Variants in ENGASE observed in about 807,000 individuals in gnomAD.
The protein encoded by ENGASE is cytosolic endo-beta-N-acetylglucosaminidase.
A neutral mutation model predicts 78.5 loss-of-function variants in ENGASE; 69 were observed. The observed-to-expected ratio is 0.88, with a 90% confidence interval of 0.72 to 1.07. The LOEUF (loss-of-function observed/expected upper bound fraction) is 1.07. ENGASE is among the 50% of genes least tolerant of loss of function. ENGASE has a pLI of 0.00. For missense variants in ENGASE, 943 were observed against 988.4 expected (o/e 0.95, Z 0.62); for synonymous variants, 408 against 408.9 (o/e 1.00, Z 0.03).
intron 3 of ENGASE, among the ~76,000 whole-genome samples, chr17:79,078,112 G>C (rs2073013724): frequency 6.6e-6 from 1 of 152,146 alleles, no homozygotes; most frequent in Non-Finnish European, 1.5e-5. Context: ...GGTCAAGGCA[G>C]GTGGGTCACC....
At chr17:79,082,412 A>G (rs907027779) in intron 7 of ENGASE, 60 of 1,230,556 alleles carry the variant, frequency 4.9e-5, no homozygotes, top group African/African-American at 3.9e-4. Flanking sequence ...GGGGACGCAC[A>G]GGGGCCTGCA....
chr17:79,082,840 C>T (rs1240427919), intron 7 of ENGASE, 180 bp from the exon 8 acceptor site: 2 of 1,539,016 alleles, frequency 1.3e-6, no homozygotes, highest in African/African-American at 1.4e-5. Flanking sequence ...TTCTGGCGGG[C>T]TTGTGGAACG....
At chr17:79,077,935 G>A in intron 3 of ENGASE, 71 bp downstream of exon 3, 1 of 1,363,234 alleles carries the variant, frequency 7.3e-7, no homozygotes, top group Non-Finnish European at 1.0e-6. Context: ...TGGAGGGGCG[G>A]GAGAGAGTGC....
chr17:79,079,377 A>G (rs1219306769), intron 3 of ENGASE, 112 bp from the exon 4 acceptor site: 3 of 1,246,118 alleles, frequency 2.4e-6, no homozygotes, highest in Non-Finnish European at 3.3e-6. Flanking sequence ...CATGTTGCCC[A>G]GGCTGGTCTT....
chr17:79,085,622 G>A lies in ENGASE; in HGVS notation c.1703G>A (p.Cys568Tyr). The change falls in exon 13 of 14, where the codon TGC becomes TAC. Residue 568 changes from cysteine (C) to tyrosine (Y), a missense_variant and splice_region_variant. Coordinates refer to ENST00000579016, the MANE Select transcript of ENGASE (RefSeq NM_001042573.3). ...TGATCAGCCCTTTCGCCCCGTAGCTGCTACGAGGTGAGCCTGCGTGGGTGC... is the reference window on the plus strand; with the variant it reads ...TGATCAGCCCTTTCGCCCCGTAGCTACTACGAGGTGAGCCTGCGTGGGTGC... ...RQLSGGWVQH[C>Y]YEVSLRGCLL... The A allele has an allele frequency of 6.2e-7, 1 of 1,613,676 alleles. No homozygotes were observed. The highest frequency in any genetic ancestry group is 8.5e-7 in the Non-Finnish European group (1 of 1,179,994).
At chr17:79,084,814 C>G in intron 11 of ENGASE, 128 bp downstream of exon 11, 1 of 1,055,300 alleles carries the variant, frequency 9.5e-7, no homozygotes, top group Non-Finnish European at 1.4e-6. Flanking sequence ...CTGCCTTTGC[C>G]GGAGTCAGGG....
intron 6 of ENGASE, 101 bp from the exon 7 acceptor site, chr17:79,081,797 C>CTCTGAGTACTAGGAGGGGAAAG: frequency 4.2e-6 from 6 of 1,436,448 alleles, no homozygotes; most frequent in Non-Finnish European, 5.6e-6. Flanking sequence ...GGGCCCATCC[C>CTCTGAGTACTAGGAGGGGAAAG]TCTGAGTACT....
At position 79,074,883 on chromosome 17, in the gene ENGASE, C is replaced by G; in HGVS notation, c.-62C>G. On this transcript the variant is annotated 5_prime_UTR_variant, in exon 1 of 14. Transcript: ENST00000579016. Reference sequence around the variant, plus strand: ...TCAGCGCTGCGCACTTCCCATTGGCCGAGCGCGGCGCGGGGGCGGGCCCGG... The same window carrying G: ...TCAGCGCTGCGCACTTCCCATTGGCGGAGCGCGGCGCGGGGGCGGGCCCGG... The G allele has an allele frequency of 8.1e-7, 1 of 1,234,644 alleles. No homozygotes were observed. Among genetic ancestry groups the G allele is most frequent in the Non-Finnish European group, 1.0e-6 (1 of 987,374 alleles). The allele number at this position is 1,234,644 out of a possible 1,614,324, so 76.5% of individuals were successfully genotyped here.
At position 79,086,364 on chromosome 17, in the gene ENGASE, C is replaced by T. The variant is rs751774730; in HGVS notation, c.*15C>T. The stretch of plus-strand genomic sequence containing the variant: ...CCCCTGCATGAGCGGATGCTAAGGC[C>T]GGGTGGTCTCCTGGCCTCGGGCTGA... On this transcript the variant is annotated 3_prime_UTR_variant, in exon 14 of 14. Coordinates refer to ENST00000579016, the MANE Select transcript of ENGASE (RefSeq NM_001042573.3). 2.3e-5 allele frequency: 36 copies of T among 1,599,150 alleles called. No homozygotes were observed. The highest frequency in any genetic ancestry group is 6.7e-5 in the South Asian group (6 of 89,816).
chr17:79,077,759 T>G lies in ENGASE; in HGVS notation c.311T>G (p.Phe104Cys), dbSNP rs760871432. Residue 104 changes from phenylalanine (F) to cysteine (C), a missense_variant, in exon 3 of 14, where the codon TTT (phenylalanine) becomes TGT (cysteine). By Grantham distance (205) the Phe-to-Cys change is radical. Transcript: ENST00000579016. ...LAWKPRLEDG[F>C]NVALEPLACR... ...TGGAAGCCCCGCTTGGAGGATGGCT[T>G]TAATGTGGCCCTGGAGCCCCTGGCG... The G allele has an allele frequency of 2.5e-6, 4 of 1,614,026 alleles. No homozygotes were observed. The African/African-American group carries it at 5.3e-5, about 22-fold the overall frequency.
At chr17:79,081,786 T>TGGGCC (rs2073146095) in intron 6 of ENGASE, 112 bp from the exon 7 acceptor site, 1 of 1,202,606 alleles carries the variant, frequency 8.3e-7, no homozygotes, top group East Asian at 2.6e-5. Context: ...TGGGGTGGGG[T>TGGGCC]GGGCCCATCC....
rs2072933147 is a variant in ENGASE, at chr17:79,075,027, C to G, written c.83C>G (p.Ala28Gly). 1 of 1,207,928 alleles carries G rather than the reference C, an allele frequency of 8.3e-7. No homozygotes were observed. The highest frequency in any genetic ancestry group is 3.3e-5 in the East Asian group (1 of 30,506). The allele number at this position is 1,207,928 out of a possible 1,614,324, so 74.8% of individuals were successfully genotyped here. Reference protein sequence around the residue: ...RQLQGLAAPEAGTQEEQEDQE... With the variant: ...RQLQGLAAPEGGTQEEQEDQE... The stretch of plus-strand genomic sequence containing the variant: ...CTGCAGGGGCTGGCGGCCCCGGAGG[C>G]GGGGACGCAGGAGGAGCAGGAGGAT... Residue 28 changes from alanine to glycine, a missense_variant, in exon 1 of 14, where the codon GCG becomes GGG. Physicochemically the swap from Ala to Gly is moderately conservative, Grantham distance 60. Coordinates refer to ENST00000579016, the MANE Select transcript of ENGASE (RefSeq NM_001042573.3).
At position 79,086,680 on chromosome 17, in the gene ENGASE, T is replaced by G. The variant is rs1438843438; in HGVS notation, c.*331T>G. 2.2e-6 allele frequency: 1 copy of G among 446,086 alleles called. No individual in the cohort carries two copies. Among genetic ancestry groups the G allele is most frequent in the Non-Finnish European group, 4.2e-6 (1 of 238,222 alleles). 27.6% of individuals were successfully genotyped at this position (446,086 alleles called of 1,614,324 possible). On this transcript the variant is annotated 3_prime_UTR_variant, in exon 14 of 14. Coordinates refer to ENST00000579016, the MANE Select transcript of ENGASE (RefSeq NM_001042573.3). ...GAACAGAACATTCCATAAAGGATAT[T>G]TCCTAATAGGCTGCAAGATGCTGAT...
rs1286231782 is a variant in ENGASE, at chr17:79,083,884, T to C, written c.1375T>C (p.Trp459Arg). 6.2e-7 allele frequency: 1 copy of C among 1,612,382 alleles called. No homozygotes were observed. Among genetic ancestry groups the C allele is most frequent in the South Asian group, 1.1e-5 (1 of 91,028 alleles). ...GACGCACTGCTGCCTGGAGGATGCCTGGCACGGAGGCAGCTCCCTGCTCGT... is the reference window on the plus strand; with the variant it reads ...GACGCACTGCTGCCTGGAGGATGCCCGGCACGGAGGCAGCTCCCTGCTCGT... ...VRTHCCLEDA[W>R]HGGSSLLVRG... Residue 459 changes from tryptophan to arginine, a missense_variant, in exon 10 of 14, where the codon TGG (tryptophan) becomes CGG (arginine). Transcript: ENST00000579016. The surrounding 1 kb of genome is among the most constrained non-coding windows in gnomAD (Gnocchi z 4.9).
chr17:79,088,486 C>T lies in ENGASE; in HGVS notation c.*2137C>T, dbSNP rs545778608. The T allele has an allele frequency of 6.6e-6, 1 of 152,358 alleles. No individual in the cohort carries two copies. The highest frequency in any genetic ancestry group is 2.4e-5 in the African/African-American group (1 of 41,580). 9.4% of individuals were successfully genotyped at this position (152,358 alleles called of 1,614,324 possible). On this transcript the variant is annotated 3_prime_UTR_variant, in exon 14 of 14. Coordinates refer to ENST00000579016, the MANE Select transcript of ENGASE (RefSeq NM_001042573.3). Reference sequence around the variant, plus strand: ...TGGCAGAATCGCACCGCCCCGGCTCCCCAGCCCACCGCCATGCAGGGCTCG... The same window carrying T: ...TGGCAGAATCGCACCGCCCCGGCTCTCCAGCCCACCGCCATGCAGGGCTCG...
Position 79,074,970 on chromosome 17 carries a change from C to T in ENGASE, c.26C>T (p.Thr9Ile). 8.0e-7 allele frequency: 1 copy of T among 1,248,016 alleles called. No individual in the cohort carries two copies. The highest frequency in any genetic ancestry group is 1.0e-6 in the Non-Finnish European group (1 of 996,548). The allele number at this position is 1,248,016 out of a possible 1,614,324, so 77.3% of individuals were successfully genotyped here. Residue 9 changes from threonine (T) to isoleucine (I), a missense_variant, in exon 1 of 14, where the codon ACC becomes ATC. Physicochemically the swap from Thr to Ile is moderately conservative, Grantham distance 89. Transcript: ENST00000579016. MEAAAVTV[T>I]RSATRRRRRQ... is the part of the protein sequence containing the mutation. ...ATGGAGGCCGCGGCGGTGACGGTCACCCGGTCGGCTACACGGCGGCGGCGG... is the reference window on the plus strand; with the variant it reads ...ATGGAGGCCGCGGCGGTGACGGTCATCCGGTCGGCTACACGGCGGCGGCGG...
rs1370027352 is a variant in ENGASE, at chr17:79,085,794, G to A, written c.1815+60G>A. On this transcript the variant is annotated intron_variant, in intron 13 of 13. Transcript: ENST00000579016. ...CTGTTTGTCCAGCTGGAGTGGGGGT[G>A]GAGGCCGCCCCAGGCCGCCCCCTTC... 3.1e-6 allele frequency: 5 copies of A among 1,602,964 alleles called. No individual in the cohort carries two copies. In the Admixed American group the frequency reaches 8.5e-5, roughly 27 times the overall value.
rs952674156 is a variant in ENGASE at position 79,074,829 on chromosome 17, T to A, written c.-116T>A. The A allele has an allele frequency of 8.4e-7, 1 of 1,191,816 alleles. No individual in the cohort carries two copies. The highest frequency in any genetic ancestry group is 1.6e-5 in the African/African-American group (1 of 62,688). The allele number at this position is 1,191,816 out of a possible 1,614,324, so 73.8% of individuals were successfully genotyped here. ...CCGCCGCGCGGCCGCTGGCCGGGAGTCAGCTCGGAGTCCCGTCCCAGCGCG... is the reference window on the plus strand; with the variant it reads ...CCGCCGCGCGGCCGCTGGCCGGGAGACAGCTCGGAGTCCCGTCCCAGCGCG... On this transcript the variant is annotated 5_prime_UTR_variant, in exon 1 of 14. Coordinates refer to ENST00000579016, the MANE Select transcript of ENGASE (RefSeq NM_001042573.3).
intron 7 of ENGASE, chr17:79,082,521 G>A: frequency 1.7e-6 from 2 of 1,205,764 alleles, no homozygotes; most frequent in Non-Finnish European, 2.1e-6. Context: ...GGCAAGGCAG[G>A]TCACACCAGC....
Sources: gnomAD v4.1 joint callset for allele counts (sites outside exome capture counted in the v4.1 genomes callset) on GRCh38, gnomAD v4.1.1 for gene constraint, Gnocchi (gnomAD v3.1) non-coding constraint, MANE v1.5 for transcripts, NCBI Gene and HGNC (gene_info 2026-07-23, HGNC 2026-07-21) for gene names.